PDE4B: variants seen among roughly 807,000 people sequenced by gnomAD.
The protein encoded by PDE4B is 3',5'-cyclic-AMP phosphodiesterase 4B.
Under a neutral mutation model 82.2 loss-of-function variants are expected in PDE4B, and 20 were observed. The observed-to-expected ratio is 0.24, with a 90% confidence interval of 0.17 to 0.35. The LOEUF (loss-of-function observed/expected upper bound fraction) is 0.35, where lower values mean the gene tolerates loss of function less well. PDE4B is among the 10% of genes least tolerant of loss of function. PDE4B has a pLI of 1.00. For synonymous variants in PDE4B, 320 were observed against 318.9 expected (o/e 1.00, Z -0.04); for missense variants, 655 against 907.2 (o/e 0.72, Z 3.57).
In PDE4B at chr1:66,045,745, A is replaced by T. The variant is rs557775039; in HGVS notation, c.281+126910A>T. 5.9e-5 allele frequency among the ~76,000 whole-genome samples: 9 copies of T among 151,892 alleles called. No homozygotes were observed. The East Asian group carries it at 1.7e-3, about 29-fold the overall frequency. ...TAGACGAGATTCAATCAAAGAAAAG[A>T]TGTTCTTGAAAAGCAAATCTCCCAC... On this transcript the variant is annotated intron_variant, in intron 3 of 16. Coordinates refer to ENST00000341517, the MANE Select transcript of PDE4B (RefSeq NM_002600.4).
In PDE4B at chr1:66,209,987, C is replaced by T. The variant is rs545736109; in HGVS notation, c.282-37473C>T. On this transcript the variant is annotated intron_variant, in intron 3 of 16. Transcript: ENST00000341517. ...GTTGAATAAAGCTGCTATGAGCGTTCGTATCCCAGTTTTATTGGCTCATCC... is the reference window on the plus strand; with the variant it reads ...GTTGAATAAAGCTGCTATGAGCGTTTGTATCCCAGTTTTATTGGCTCATCC... Among the ~76,000 whole-genome samples, 4 of 152,148 alleles carry T rather than the reference C, an allele frequency of 2.6e-5. No individual in the cohort carries two copies. The South Asian group carries it at 8.3e-4, about 32-fold the overall frequency.
chr1:65,989,207 A>G (rs911420258), intron 3 of PDE4B, among the ~76,000 whole-genome samples: 27 of 152,184 alleles, frequency 1.8e-4, no homozygotes, highest in African/African-American at 6.5e-4. Context: ...TTCATTATTT[A>G]AAACTGAGAC....
chr1:66,069,414 A>G (rs1383709339), intron 3 of PDE4B, among the ~76,000 whole-genome samples: 2 of 151,994 alleles, frequency 1.3e-5, no homozygotes, highest in Admixed American at 6.6e-5. Context: ...TCACTCTCCA[A>G]TAAGATGAAT....
chr1:66,031,308 T>C (rs748702494), intron 3 of PDE4B, among the ~76,000 whole-genome samples: 2 of 152,150 alleles, frequency 1.3e-5, no homozygotes, highest in Non-Finnish European at 2.9e-5. Context: ...TATTCTCACC[T>C]CTCATTCCTT....
At position 65,918,713 on chromosome 1, in the gene PDE4B, A is replaced by T; in HGVS notation, c.159A>T (p.Pro53=). 1 of 1,612,512 alleles carries T rather than the reference A, an allele frequency of 6.2e-7. No homozygotes were observed. Among genetic ancestry groups the T allele is most frequent in the Non-Finnish European group, 8.5e-7 (1 of 1,178,490 alleles). The part of the protein sequence containing the change: ...RRCCSGNLQL[P]PLSQRQSERA... The stretch of plus-strand genomic sequence containing the variant: ...GTTGCTCAGGAAACTTACAGTTACC[A>T]CCACTGTCTCAAAGACAGAGTGAAA... The change falls in exon 3 of 17, where the codon CCA becomes CCT. Residue 53 remains proline, a synonymous_variant. Coordinates refer to ENST00000341517, the MANE Select transcript of PDE4B (RefSeq NM_002600.4).
chr1:66,063,938 C>T (rs1185825041), intron 3 of PDE4B, among the ~76,000 whole-genome samples: 1 of 151,882 alleles, frequency 6.6e-6, no homozygotes, highest in Non-Finnish European at 1.5e-5. Context: ...AACAGGTGCT[C>T]TCCTATTTAG....
rs1646443498 is a variant in PDE4B at position 65,860,593 on chromosome 1, C to T, written c.-70-52652C>T. Among the ~76,000 whole-genome samples, 3 of 152,176 alleles carry T rather than the reference C, an allele frequency of 2.0e-5. No individual in the cohort carries two copies. In the South Asian group the frequency reaches 6.2e-4, roughly 32 times the overall value. The stretch of plus-strand genomic sequence containing the variant: ...GGGATTGCTGGGTCAAATGGTATTT[C>T]TAGTTCTAGATCCTTGAGGAATTGC... On this transcript the variant is annotated intron_variant, in intron 1 of 16. Coordinates refer to ENST00000341517, the MANE Select transcript of PDE4B (RefSeq NM_002600.4).
At chr1:66,106,528 T>G (rs1394075421) in intron 3 of PDE4B, among the ~76,000 whole-genome samples, 1 of 150,556 alleles carries the variant, frequency 6.6e-6, no homozygotes, top group Non-Finnish European at 1.5e-5. Context: ...AGTTCCACCT[T>G]GTACCTCTGG....
intron 3 of PDE4B, among the ~76,000 whole-genome samples, chr1:66,129,347 A>G (rs78681939): frequency 0.054 from 8,285 of 152,294 alleles, 294 homozygotes; most frequent in Non-Finnish European, 0.081. Context: ...CGAAGTCTGT[A>G]ACTTAGCATA....
chr1:66,098,599 T>C (rs988245496), intron 3 of PDE4B, among the ~76,000 whole-genome samples: 3 of 152,142 alleles, frequency 2.0e-5, no homozygotes, highest in Admixed American at 2.0e-4. Context: ...GCACTCTGCA[T>C]GGGTCTTCAA....
rs1647643466 is a variant in PDE4B at position 65,928,458 on chromosome 1, A to G, written c.281+9623A>G. Among the ~76,000 whole-genome samples, 4 of 152,126 alleles carry G rather than the reference A, an allele frequency of 2.6e-5. No homozygotes were observed. The South Asian group carries it at 8.3e-4, about 32-fold the overall frequency. On this transcript the variant is annotated intron_variant, in intron 3 of 16. Transcript: ENST00000341517. ...ATTGCCACTTTGCCTCTGCTGTCCA[A>G]TAAGGTAGCTACGCCCACCTTGCCT...
chr1:66,090,982 G>A lies in PDE4B; in HGVS notation c.282-156478G>A, dbSNP rs116326212. Among the ~76,000 whole-genome samples the A allele has an allele frequency of 7.0e-3, 1,069 of 151,986 alleles. 12 individuals carry two copies. The highest frequency in any genetic ancestry group is 0.024 in the African/African-American group (1,003 of 41,472). ...GTCACCACACCCCTTTCCCTAGGTA[G>A]CCAAATTAATTGGGAAAAGAAAAAA... On this transcript the variant is annotated intron_variant, in intron 3 of 16. Transcript: ENST00000341517.
At chr1:66,028,486 TC>T (rs894911070) in intron 3 of PDE4B, among the ~76,000 whole-genome samples, 1 of 152,162 alleles carries the variant, frequency 6.6e-6, no homozygotes, top group African/African-American at 2.4e-5. Context: ...AACATTAGAC[TC>T]CTTGCTACTT....
chr1:66,024,638 T>G (rs1260517969), intron 3 of PDE4B, among the ~76,000 whole-genome samples: 1 of 152,166 alleles, frequency 6.6e-6, no homozygotes, highest in African/African-American at 2.4e-5. Flanking sequence ...AAATGATAAC[T>G]TGATAAACAT....
chr1:66,367,381 T>C (rs1016504966), intron 13 of PDE4B: 3 of 186,636 alleles, frequency 1.6e-5, no homozygotes, highest in Admixed American at 5.8e-5. Flanking sequence ...TACATAAAAA[T>C]AGGATTTAGC....
intron 3 of PDE4B, among the ~76,000 whole-genome samples, chr1:65,940,344 G>A (rs1056896577): frequency 1.3e-5 from 2 of 151,978 alleles, no homozygotes; most frequent in Admixed American, 1.3e-4. Context: ...ATTGTAGAGG[G>A]AGGGAGCAAT....
chr1:66,279,412 C>T (rs780654933), intron 7 of PDE4B, among the ~76,000 whole-genome samples: 10 of 152,010 alleles, frequency 6.6e-5, no homozygotes, highest in Non-Finnish European at 1.3e-4. Flanking sequence ...TTACTTGAGG[C>T]CAGGAGTTCA....
intron 1 of PDE4B, among the ~76,000 whole-genome samples, chr1:65,889,941 G>T (rs538859511): frequency 2.9e-4 from 44 of 152,146 alleles, no homozygotes. Context: ...CCTACCAAAG[G>T]TTAAACATAC....
chr1:66,215,817 G>A (rs991646829), intron 3 of PDE4B, among the ~76,000 whole-genome samples: 1 of 152,128 alleles, frequency 6.6e-6, no homozygotes, highest in Non-Finnish European at 1.5e-5. Context: ...TGAAAGGAGA[G>A]CTAAAGGGAT....
Sources: allele counts gnomAD v4.1 joint callset (sites outside exome capture counted in the v4.1 genomes callset), GRCh38; gene constraint gnomAD v4.1.1; transcripts MANE v1.5; gene names NCBI Gene and HGNC (gene_info 2026-07-23, HGNC 2026-07-21).